The following ADGRV1 variants were observed in gnomAD, a reference collection of about 807,000 sequenced individuals.
ADGRV1 encodes the protein adhesion G protein-coupled receptor V1, also known as G-protein coupled receptor 98.
Under a neutral mutation model 596.2 loss-of-function variants are expected in ADGRV1, and 359 were observed. The observed-to-expected ratio is 0.60, with a 90% CI of 0.55 to 0.66. ADGRV1 has a LOEUF of 0.66. ADGRV1 is among the 30% of genes least tolerant of loss of function. ADGRV1 has a pLI of 0.00. For missense variants in ADGRV1, 7,274 were observed against 7,575.6 expected (o/e 0.96, Z 1.48); for synonymous variants, 2,681 against 2,679.2 (o/e 1.00, Z -0.02).
chr5:91,138,157 A>G (rs1254741137), intron 87 of ADGRV1, among the ~76,000 whole-genome samples: 1 of 152,122 alleles, frequency 6.6e-6, no homozygotes, highest in Non-Finnish European at 1.5e-5. Flanking sequence ...TGATTGCCCA[A>G]CCATAAATCC....
At chr5:90,583,695 T>G (rs373031279) in intron 1 of ADGRV1, among the ~76,000 whole-genome samples, 38 of 152,284 alleles carry the variant, frequency 2.5e-4, no homozygotes, top group African/African-American at 8.7e-4. Context: ...AAATGGTAAA[T>G]CACTGTGGGT....
At chr5:91,064,023 A>G (rs1376952359) in intron 85 of ADGRV1, among the ~76,000 whole-genome samples, 2 of 152,182 alleles carry the variant, frequency 1.3e-5, no homozygotes, top group African/African-American at 4.8e-5. Context: ...CCAGCACTGT[A>G]GCTGGTATGT....
chr5:90,933,053 G>A (rs1408470005), intron 83 of ADGRV1, among the ~76,000 whole-genome samples: 1 of 152,164 alleles, frequency 6.6e-6, no homozygotes, highest in African/African-American at 2.4e-5. Flanking sequence ...ATTGAAAGTG[G>A]TTGGTTTACT....
chr5:91,091,309 T>C (rs1790365370), intron 86 of ADGRV1, among the ~76,000 whole-genome samples: 1 of 152,196 alleles, frequency 6.6e-6, no homozygotes, highest in Non-Finnish European at 1.5e-5. Context: ...TGCTGTGACA[T>C]CCACATTTCT....
chr5:90,913,632 CTAAA>C (rs1485143792), intron 83 of ADGRV1, among the ~76,000 whole-genome samples: 1 of 151,836 alleles, frequency 6.6e-6, no homozygotes, highest in East Asian at 1.9e-4. Flanking sequence ...GATGAGGAAA[CTAAA>C]TATCTTCCAT....
intron 67 of ADGRV1, among the ~76,000 whole-genome samples, chr5:90,787,422 A>C (rs997917459): frequency 6.6e-6 from 1 of 152,166 alleles, no homozygotes; most frequent in Non-Finnish European, 1.5e-5. Flanking sequence ...GCCTGTGCAC[A>C]CAGCAGGACA....
chr5:90,957,045 A>G (rs1479548997), intron 83 of ADGRV1, among the ~76,000 whole-genome samples: 1 of 152,200 alleles, frequency 6.6e-6, no homozygotes, highest in Non-Finnish European at 1.5e-5. Context: ...TGTGGGCACA[A>G]GGTAATGAAG....
At chr5:90,607,676 G>A (rs73179775) in intron 1 of ADGRV1, among the ~76,000 whole-genome samples, 3,269 of 152,174 alleles carry the variant, frequency 0.021, 104 homozygotes, top group African/African-American at 0.073. Flanking sequence ...TACTAAAATT[G>A]GGACTTTCTA....
chr5:90,561,580 A>G (rs866781519), intron 1 of ADGRV1, among the ~76,000 whole-genome samples: 3 of 152,184 alleles, frequency 2.0e-5, no homozygotes, highest in Admixed American at 6.5e-5. Flanking sequence ...ATTGTATTAT[A>G]TATTTCTCTT....
At position 90,744,890 on chromosome 5, in the gene ADGRV1, G is replaced by A. The variant is rs1050765527; in HGVS notation, c.10550-156G>A. Among the ~76,000 whole-genome samples the A allele has an allele frequency of 5.3e-5, 8 of 152,096 alleles. 1 individual carries two copies. The highest frequency in any genetic ancestry group is 2.1e-4 in the South Asian group (1 of 4,824). On this transcript the variant is annotated intron_variant, in intron 50 of 89. Transcript: ENST00000405460. ...AAGCACTTAAAAAATTATTATTTAC[G>A]TCCAGTTATTTCAGAAATTGAAGTA...
intron 87 of ADGRV1, among the ~76,000 whole-genome samples, chr5:91,130,338 C>G (rs777666133): frequency 2.0e-5 from 3 of 151,362 alleles, no homozygotes; most frequent in Non-Finnish European, 4.4e-5. Context: ...TCAAGACTAG[C>G]CTGGCCAACT....
At chr5:90,872,423 T>TTGTGTGTG (rs55743704) in intron 83 of ADGRV1, among the ~76,000 whole-genome samples, 11 of 147,338 alleles carry the variant, frequency 7.5e-5, no homozygotes, top group African/African-American at 2.5e-4. Flanking sequence ...TGGTATGAGC[T>TTGTGTGTG]TGTGTGTGTG....
chr5:90,756,371 C>G, intron 55 of ADGRV1, 83 bp from the exon 56 acceptor site: 1 of 883,512 alleles, frequency 1.1e-6, no homozygotes, highest in Non-Finnish European at 1.7e-6. Flanking sequence ...CAATTATTTC[C>G]TTACTGAAAA....
Position 90,706,247 on chromosome 5 carries a change from ATATACCACGG to A in ADGRV1, c.8585_8594del (p.Tyr2862PhefsTer5). 6.2e-7 allele frequency: 1 copy of A among 1,611,382 alleles called. No homozygotes were observed. Among genetic ancestry groups the A allele is most frequent in the Non-Finnish European group, 8.5e-7 (1 of 1,179,036 alleles). ...TTCAATTAGGAGCTATCAATGTCAC[ATATACCACGG>A]TTCCTGGAATGCTGAGTCTGAAGAA... On this transcript the variant is annotated frameshift_variant, in exon 38 of 90. Coordinates refer to ENST00000405460, the MANE Select transcript of ADGRV1 (RefSeq NM_032119.4). LOFTEE classifies it high-confidence loss of function.
At chr5:90,735,187 T>A (rs938304959) in intron 50 of ADGRV1, among the ~76,000 whole-genome samples, 3 of 152,256 alleles carry the variant, frequency 2.0e-5, no homozygotes, top group African/African-American at 7.2e-5. Context: ...AGTTGATTTA[T>A]GTATTTGGTA....
In ADGRV1 at chr5:90,778,961, G is replaced by T. The variant is rs746172956; in HGVS notation, c.12946G>T (p.Val4316Phe). The change falls in exon 64 of 90, where the codon GTT becomes TTT. Residue 4316 changes from valine to phenylalanine, a missense_variant. This residue lies in a region of ADGRV1 where 3,643 missense variants were observed against 3,809.2 expected (regional missense o/e 0.96). Coordinates refer to ENST00000405460, the MANE Select transcript of ADGRV1 (RefSeq NM_032119.4). ...SGTAEAGLDFVPAAGELLFEA... is the reference protein window; with the variant it reads ...SGTAEAGLDFFPAAGELLFEA... ...GACAGCGGAAGCAGGCTTGGATTTT[G>T]TTCCTGCAGCAGGGGAGCTCCTCTT... The T allele has an allele frequency of 6.2e-7, 1 of 1,613,426 alleles. No homozygotes were observed. Among genetic ancestry groups the T allele is most frequent in the African/African-American group, 1.3e-5 (1 of 74,892 alleles).
Position 90,823,435 on chromosome 5 carries a change from G to C in ADGRV1, c.16207G>C (p.Asp5403His). 2 of 1,613,704 alleles carry C rather than the reference G, an allele frequency of 1.2e-6. No individual in the cohort carries two copies. Among genetic ancestry groups the C allele is most frequent in the Non-Finnish European group, 1.7e-6 (2 of 1,179,806 alleles). ...VTRQPNRAFE[D>H]VKVFWRVTLN... ...GTTTCTTGCTCACAGGGCCTTTGAA[G>C]ATGTCAAGGTCTTTTGGCGAGTCAC... The change falls in exon 76 of 90, where the codon GAT becomes CAT. Residue 5403 changes from aspartate (D) to histidine (H), a missense_variant. Around this residue, in one of 5 missense-constraint regions of ADGRV1, gnomAD observed 1,874 missense variants for 1,970.2 expected, o/e 0.95. Transcript: ENST00000405460.
intron 83 of ADGRV1, among the ~76,000 whole-genome samples, chr5:90,912,455 A>T (rs899911003): frequency 1.2e-4 from 19 of 152,154 alleles, no homozygotes; most frequent in Admixed American, 9.8e-4. Flanking sequence ...CATGATGCTG[A>T]GGTTTGGGAT....
At chr5:91,140,027 A>G (rs1186153361) in intron 87 of ADGRV1, among the ~76,000 whole-genome samples, 1 of 152,072 alleles carries the variant, frequency 6.6e-6, no homozygotes, top group Non-Finnish European at 1.5e-5. Flanking sequence ...AATCCTGAGC[A>G]CTCAGCTTTT....
Sources: allele counts gnomAD v4.1 joint callset (sites outside exome capture counted in the v4.1 genomes callset), GRCh38; gene constraint gnomAD v4.1.1; regional missense constraint gnomAD v4.1.1; transcripts MANE v1.5; gene names NCBI Gene and HGNC (gene_info 2026-07-23, HGNC 2026-07-21).